KMT2C: variants seen among roughly 807,000 people sequenced by gnomAD.
KMT2C encodes the protein lysine methyltransferase 2C.
A neutral mutation model predicts 507.9 loss-of-function variants in KMT2C; 88 were observed. That is an observed-to-expected ratio of 0.17 (90% CI 0.15 to 0.21). The LOEUF is 0.21. Among genes scored for constraint, KMT2C ranks in the 10% least tolerant of loss-of-function variants. The pLI, the probability that KMT2C is intolerant of heterozygous loss-of-function variation, is 1.00. For synonymous variants in KMT2C, 2,049 were observed against 2,080.8 expected (o/e 0.98, Z 0.42); for missense variants, 4,954 against 5,957.8 (o/e 0.83, Z 5.55).
At chr7:152,331,533 C>A (rs757516860) in intron 2 of KMT2C, among the ~76,000 whole-genome samples, 38 of 151,610 alleles carry the variant, frequency 2.5e-4, no homozygotes, top group Admixed American at 4.6e-4. Flanking sequence ...CAATCAAGCC[C>A]CGGCAGCGGA....
rs1402044249 is a variant in KMT2C, at chr7:152,255,125, A to G, written c.1300-2410T>C. On this transcript the variant is annotated intron_variant, in intron 9 of 58. Coordinates refer to ENST00000262189, the MANE Select transcript of KMT2C (RefSeq NM_170606.3). Reference sequence around the variant, plus strand: ...AACTCTCACTTATATATATATATATATATATATATATATATATATACATAT... The same window carrying G: ...AACTCTCACTTATATATATATATATGTATATATATATATATATATACATAT... 5.6e-4 allele frequency among the ~76,000 whole-genome samples: 67 copies of G among 119,838 alleles called. 2 individuals are homozygous for G. The South Asian group carries it at 7.7e-3, about 14-fold the overall frequency. The allele number at this position is 119,838 out of a possible 152,430, so 78.6% of individuals were successfully genotyped here. A position where few individuals can be genotyped will look rare whatever the true frequency, so the allele number is the denominator to read the frequency against.
chr7:152,187,505 T>G, intron 32 of KMT2C, 29 bp from the exon 33 acceptor site: 1 of 1,576,884 alleles, frequency 6.3e-7, no homozygotes, highest in East Asian at 2.2e-5. Flanking sequence ...CTTTACTTTA[T>G]GAACATAAAA....
Position 152,325,911 on chromosome 7 carries a change from C to CTT in KMT2C, c.389+4688_389+4689dup, listed in dbSNP as rs74740965. Among the ~76,000 whole-genome samples, 1,288 of 136,386 alleles carry CTT rather than the reference C, an allele frequency of 9.4e-3. 21 individuals carry two copies. Among genetic ancestry groups the CTT allele is most frequent in the African/African-American group, 0.035 (1,243 of 35,278 alleles). The allele number at this position is 136,386 out of a possible 152,430, so 89.5% of individuals were successfully genotyped here. A position where few individuals can be genotyped will look rare whatever the true frequency, so the allele number is the denominator to read the frequency against. On this transcript the variant is annotated intron_variant, in intron 3 of 58. Coordinates refer to ENST00000262189, the MANE Select transcript of KMT2C (RefSeq NM_170606.3). ...GTAGACATGAATAAATTAGGTCTTT[C>CTT]TTTTTTTTTTTTTTTAAAGTATGTC... is the stretch of plus-strand genomic sequence containing the variant.
At chr7:152,276,351 C>T (rs2096078665) in intron 6 of KMT2C, among the ~76,000 whole-genome samples, 1 of 152,104 alleles carries the variant, frequency 6.6e-6, no homozygotes, top group Non-Finnish European at 1.5e-5. Context: ...TTATACACTA[C>T]ACATAAAAGA....
At chr7:152,147,824 A>G (rs1449792029) in intron 52 of KMT2C, among the ~76,000 whole-genome samples, 2 of 152,228 alleles carry the variant, frequency 1.3e-5, no homozygotes, top group Non-Finnish European at 2.9e-5. Flanking sequence ...TCGTATGTTC[A>G]AAGATATATT....
intron 9 of KMT2C, among the ~76,000 whole-genome samples, chr7:152,260,217 A>G (rs2095745832): frequency 6.6e-6 from 1 of 152,244 alleles, no homozygotes; most frequent in African/African-American, 2.4e-5. Context: ...AGAACAGGAT[A>G]AAAAGATTAA....
In KMT2C at chr7:152,181,195, G is replaced by A. The variant is rs2129119732; in HGVS notation, c.6665C>T (p.Pro2222Leu). Reference protein sequence around the residue: ...PGISVPYSQPPATPRPRISEG... With the variant: ...PGISVPYSQPLATPRPRISEG... ...TGAAATCCTTGGCCTTGGTGTTGCT[G>A]GTGGCTGAGAGTAAGGGACAGAAAT... The change falls in exon 36 of 59, where the codon CCA becomes CTA. Residue 2222 changes from proline (P) to leucine (L), a missense_variant. Around this residue, in one of 29 missense-constraint regions of KMT2C, gnomAD observed 1,689 missense variants for 1,654.3 expected, o/e 1.02. Coordinates refer to ENST00000262189, the MANE Select transcript of KMT2C (RefSeq NM_170606.3). 6.2e-7 allele frequency: 1 copy of A among 1,614,086 alleles called. No individual in the cohort carries two copies. Among genetic ancestry groups the A allele is most frequent in the Non-Finnish European group, 8.5e-7 (1 of 1,180,022 alleles).
intron 2 of KMT2C, among the ~76,000 whole-genome samples, chr7:152,334,738 G>C (rs371124505): frequency 1.3e-5 from 2 of 152,162 alleles, no homozygotes; most frequent in Non-Finnish European, 2.9e-5. Context: ...CCAATGAGGC[G>C]CAATGCTCCA....
chr7:152,171,992 G>C (rs1216781136), intron 39 of KMT2C, among the ~76,000 whole-genome samples: 4 of 152,154 alleles, frequency 2.6e-5, no homozygotes. Flanking sequence ...AAGCATTACT[G>C]CTTACATGAA....
intron 13 of KMT2C, among the ~76,000 whole-genome samples, chr7:152,249,035 G>GA (rs1276473727): frequency 6.6e-6 from 1 of 152,066 alleles, no homozygotes; most frequent in Non-Finnish European, 1.5e-5. Context: ...AGCACAGACA[G>GA]AAAAGATTTA....
intron 2 of KMT2C, among the ~76,000 whole-genome samples, chr7:152,330,950 T>G (rs1223918013): frequency 6.6e-6 from 1 of 152,208 alleles, no homozygotes; most frequent in African/African-American, 2.4e-5. Context: ...ATGTGAAGCA[T>G]GGTATACTTT....
chr7:152,306,089 C>T (rs1387699413), intron 6 of KMT2C, among the ~76,000 whole-genome samples: 1 of 152,196 alleles, frequency 6.6e-6, no homozygotes. Flanking sequence ...CTGATCTCAA[C>T]ACTACAGCAT....
At chr7:152,339,542 T>C (rs997694257) in intron 2 of KMT2C, among the ~76,000 whole-genome samples, 1 of 152,254 alleles carries the variant, frequency 6.6e-6, no homozygotes, top group East Asian at 1.9e-4. Flanking sequence ...TTCAATGCAA[T>C]TGTTTATCTT....
intron 2 of KMT2C, among the ~76,000 whole-genome samples, chr7:152,332,226 C>G (rs2096891251): frequency 6.6e-6 from 1 of 152,132 alleles, no homozygotes; most frequent in African/African-American, 2.4e-5. Flanking sequence ...CACCACTACC[C>G]CTAACATCAT....
chr7:152,157,137 G>C (rs925217707), intron 44 of KMT2C, among the ~76,000 whole-genome samples: 2 of 150,790 alleles, frequency 1.3e-5, no homozygotes, highest in African/African-American at 4.9e-5. Flanking sequence ...ACCCAAGCTA[G>C]AGGTAGAGGG....
intron 39 of KMT2C, among the ~76,000 whole-genome samples, chr7:152,172,352 TAA>T (rs2093001259): frequency 6.6e-6 from 1 of 152,168 alleles, no homozygotes; most frequent in Admixed American, 6.5e-5. Flanking sequence ...TGCATGATGC[TAA>T]AAGAGCATCA....
In KMT2C at chr7:152,136,773, T is replaced by A; in HGVS notation, c.*59A>T. 8.8e-7 allele frequency: 1 copy of A among 1,138,612 alleles called. No individual in the cohort carries two copies. The highest frequency in any genetic ancestry group is 2.3e-5 in the East Asian group (1 of 42,750). 70.5% of individuals were successfully genotyped at this position (1,138,612 alleles called of 1,614,324 possible). The stretch of plus-strand genomic sequence containing the variant: ...CTTTCTGTCTGCAAAATTCCAATGG[T>A]GTGTTGAATCGCCTCTTCCTAGGGA... On this transcript the variant is annotated 3_prime_UTR_variant, in exon 59 of 59. Coordinates refer to ENST00000262189, the MANE Select transcript of KMT2C (RefSeq NM_170606.3).
rs995469320 is a variant in KMT2C, at chr7:152,199,527, T to C, written c.4093-68A>G. ...AAAAAGACAATAGATTATTCTGTCA[T>C]GGTTTTTGACAAGGAAGCAGAAATA... On this transcript the variant is annotated intron_variant, in intron 26 of 58. Coordinates refer to ENST00000262189, the MANE Select transcript of KMT2C (RefSeq NM_170606.3). 24 of 995,562 alleles carry C rather than the reference T, an allele frequency of 2.4e-5. No individual in the cohort carries two copies. The South Asian group carries it at 3.5e-4, about 14-fold the overall frequency. The allele number at this position is 995,562 out of a possible 1,614,324, so 61.7% of individuals were successfully genotyped here.
chr7:152,242,008 T>C lies in KMT2C; in HGVS notation c.2533-3182A>G, dbSNP rs1219374959. 2.0e-5 allele frequency among the ~76,000 whole-genome samples: 3 copies of C among 152,324 alleles called. No homozygotes were observed. The East Asian group carries it at 5.8e-4, about 29-fold the overall frequency. ...ATTATACTTAGATATTCTGACAAAT[T>C]ATCTAGTATATTCCTTAGACCTTAA... is the stretch of plus-strand genomic sequence containing the variant. On this transcript the variant is annotated intron_variant, in intron 14 of 58. Transcript: ENST00000262189.
Sources: gnomAD v4.1 joint callset for allele counts (sites outside exome capture counted in the v4.1 genomes callset) on GRCh38, gnomAD v4.1.1 for gene constraint, gnomAD v4.1.1 regional missense constraint, MANE v1.5 for transcripts, NCBI Gene and HGNC (gene_info 2026-07-23, HGNC 2026-07-21) for gene names.